KALRN: variants seen among roughly 807,000 people sequenced by gnomAD.
KALRN encodes kalirin.
A neutral mutation model predicts 353.7 loss-of-function variants in KALRN; 70 were observed. The ratio of observed to expected loss-of-function variants is 0.20; its 90% confidence interval spans 0.16 to 0.24. The LOEUF (loss-of-function observed/expected upper bound fraction) is 0.24, where lower values mean the gene tolerates loss of function less well. Among genes scored for constraint, KALRN ranks in the 10% least tolerant of loss-of-function variants. The probability of loss-of-function intolerance (pLI) is 1.00; values close to 1 mark genes in which losing one functional copy is unlikely to be tolerated. For missense variants in KALRN, 2,791 were observed against 3,756.7 expected (o/e 0.74, Z 6.72); for synonymous variants, 1,391 against 1,434.8 (o/e 0.97, Z 0.69).
chr3:124,271,601 G>A (rs1323534385), intron 5 of KALRN, among the ~76,000 whole-genome samples: 1 of 152,200 alleles, frequency 6.6e-6, no homozygotes, highest in Non-Finnish European at 1.5e-5. Context: ...CTGTTGGTTA[G>A]CCAGGGCCAG....
At chr3:124,423,546 G>C (rs1313888505) in intron 15 of KALRN, among the ~76,000 whole-genome samples, 3 of 152,228 alleles carry the variant, frequency 2.0e-5, no homozygotes, top group Non-Finnish European at 4.4e-5. Flanking sequence ...CTAGGAACCT[G>C]TGGGAACATA....
At chr3:124,314,297 CAAT>C (rs1365745086) in intron 6 of KALRN, among the ~76,000 whole-genome samples, 3 of 132,280 alleles carry the variant, frequency 2.3e-5, no homozygotes, top group Non-Finnish European at 4.5e-5. Flanking sequence ...GGGAATTGAA[CAAT>C]GAGAACACTT....
At chr3:124,549,839 A>T (rs2109526877) in intron 33 of KALRN, among the ~76,000 whole-genome samples, 1 of 152,262 alleles carries the variant, frequency 6.6e-6, no homozygotes, top group East Asian at 1.9e-4. Flanking sequence ...AACATTGCCC[A>T]TCCATGGAAA....
intron 3 of KALRN, among the ~76,000 whole-genome samples, chr3:124,238,316 C>T (rs1031158): frequency 0.091 from 13,897 of 152,122 alleles, 1,541 homozygotes; most frequent in East Asian, 0.47. Flanking sequence ...GCCTCTGTTG[C>T]ATTAACGGGT....
At chr3:124,642,806 G>GTTGTTTTTTTGTTGTTGTTTTTTT (rs796628603) in intron 37 of KALRN, among the ~76,000 whole-genome samples, 1 of 96,836 alleles carries the variant, frequency 1.0e-5, no homozygotes. Flanking sequence ...CCCAAGCCTC[G>GTTGTTTTTTTGTTGTTGTTTTTTT]TTTTTTTTTT....
intron 17 of KALRN, among the ~76,000 whole-genome samples, chr3:124,437,527 TA>T (rs1192957156): frequency 1.3e-5 from 2 of 151,806 alleles, no homozygotes; most frequent in African/African-American, 4.8e-5. Context: ...CTGTCTCTAC[TA>T]AAAATACAAA....
At chr3:124,267,918 G>T (rs1259666776) in intron 4 of KALRN, among the ~76,000 whole-genome samples, 1 of 152,198 alleles carries the variant, frequency 6.6e-6, no homozygotes, top group Non-Finnish European at 1.5e-5. Context: ...CACAGAGGAG[G>T]AGACTGAGGC....
intron 10 of KALRN, among the ~76,000 whole-genome samples, chr3:124,364,429 G>A (rs180715043): frequency 6.6e-6 from 1 of 152,296 alleles, no homozygotes; most frequent in Non-Finnish European, 1.5e-5. Flanking sequence ...TATGTGGGGA[G>A]ACTTTGATCT....
chr3:124,298,594 G>T (rs900571881), intron 5 of KALRN, among the ~76,000 whole-genome samples, 197 bp from the exon 6 acceptor site: 15 of 152,096 alleles, frequency 9.9e-5, no homozygotes, highest in Non-Finnish European at 1.9e-4. Flanking sequence ...TGCTGGTGGG[G>T]TCTTACGCTA....
intron 33 of KALRN, among the ~76,000 whole-genome samples, chr3:124,552,078 A>G (rs982136881): frequency 8.5e-5 from 13 of 152,316 alleles, no homozygotes; most frequent in Middle Eastern, 3.4e-3. Flanking sequence ...TAGTTTATAA[A>G]CTATAAAGGG....
intron 1 of KALRN, among the ~76,000 whole-genome samples, chr3:124,139,569 T>A (rs559934581): frequency 1.3e-3 from 192 of 152,202 alleles, no homozygotes; most frequent in African/African-American, 4.5e-3. Flanking sequence ...AAGGAGGGTT[T>A]GTACAGAGAG....
At chr3:124,300,679 G>T (rs1467667957) in intron 6 of KALRN, among the ~76,000 whole-genome samples, 1 of 152,230 alleles carries the variant, frequency 6.6e-6, no homozygotes, top group Non-Finnish European at 1.5e-5. Flanking sequence ...GTTGTGAACA[G>T]CTCTAATGAC....
chr3:124,658,651 T>C, intron 42 of KALRN, 134 bp downstream of exon 42: 1 of 705,292 alleles, frequency 1.4e-6, no homozygotes, highest in Admixed American at 2.1e-5. Flanking sequence ...ATGGCAGGAA[T>C]AGCTGCCTCA....
chr3:124,147,425 C>T (rs901864282), intron 1 of KALRN, among the ~76,000 whole-genome samples: 3 of 152,150 alleles, frequency 2.0e-5, no homozygotes, highest in Non-Finnish European at 4.4e-5. Flanking sequence ...CGTGTTATTT[C>T]AAGAAGTATT....
chr3:124,318,501 T>C lies in KALRN; in HGVS notation c.1093-7479T>C, dbSNP rs75064488. On this transcript the variant is annotated intron_variant, in intron 6 of 59. Coordinates refer to ENST00000682506, the MANE Select transcript of KALRN (RefSeq NM_001388419.1). ...GTTTACATGGTAATGTTAAACTAATTAATCATAAACTAATGATTTAACAGC... is the reference window on the plus strand; with the variant it reads ...GTTTACATGGTAATGTTAAACTAATCAATCATAAACTAATGATTTAACAGC... Among the ~76,000 whole-genome samples the C allele has an allele frequency of 1.8e-4, 27 of 152,332 alleles. No homozygotes were observed. The East Asian group carries it at 4.6e-3, about 26-fold the overall frequency.
At chr3:124,479,746 C>T (rs1450539923) in intron 27 of KALRN, among the ~76,000 whole-genome samples, 4 of 111,730 alleles carry the variant, frequency 3.6e-5, no homozygotes, top group African/African-American at 1.4e-4. Context: ...TTTTTTGAGA[C>T]GGAGTCTCGC....
rs771053845 is a variant in KALRN at position 124,220,191 on chromosome 3, C to T, written c.74-7799C>T. Among the ~76,000 whole-genome samples, 7 of 152,272 alleles carry T rather than the reference C, an allele frequency of 4.6e-5. No individual in the cohort carries two copies. The East Asian group carries it at 1.2e-3, about 25-fold the overall frequency. ...AACACCTGACCTCGTGATCTGCCCA[C>T]TTGGGCCTCCCAAAGTGCTGGTATT... On this transcript the variant is annotated intron_variant, in intron 1 of 59. Coordinates refer to ENST00000682506, the MANE Select transcript of KALRN (RefSeq NM_001388419.1).
chr3:124,329,826 G>T (rs374446919), intron 7 of KALRN, 35 bp from the exon 8 acceptor site: 193 of 1,602,988 alleles, frequency 1.2e-4, no homozygotes, highest in Non-Finnish European at 1.6e-4. Context: ...CACCCCCAGT[G>T]CTCCCCCACT....
intron 27 of KALRN, among the ~76,000 whole-genome samples, chr3:124,480,011 C>T (rs1424697495): frequency 6.6e-6 from 1 of 152,150 alleles, no homozygotes; most frequent in Non-Finnish European, 1.5e-5. Context: ...GCGTGAGCCA[C>T]CGCGCCCGGC....
Sources: allele counts gnomAD v4.1 joint callset (sites outside exome capture counted in the v4.1 genomes callset), GRCh38; gene constraint gnomAD v4.1.1; transcripts MANE v1.5; gene names NCBI Gene and HGNC (gene_info 2026-07-23, HGNC 2026-07-21).